Variants in RYR2 observed in about 807,000 individuals in gnomAD.
RYR2 encodes the protein cardiac muscle ryanodine receptor-calcium release channel.
RYR2 carries 227 observed loss-of-function variants against 601.1 expected under a neutral mutation model. That is an observed-to-expected ratio of 0.38 (90% CI 0.34 to 0.42). RYR2 has a LOEUF of 0.42. Ranked by LOEUF, RYR2 falls within the 10% of genes least tolerant of loss-of-function variation. The pLI, the probability that RYR2 is intolerant of heterozygous loss-of-function variation, is 1.00. For missense variants in RYR2, 4,646 were observed against 6,156.5 expected, an observed-to-expected ratio of 0.75 and a Z score of 8.21; for synonymous variants, 2,223 against 2,175.1, an observed-to-expected ratio of 1.02 and a Z score of -0.61.
intron 25 of RYR2, among the ~76,000 whole-genome samples, chr1:237,540,436 G>A (rs1669130092): frequency 6.7e-6 from 1 of 149,212 alleles, no homozygotes; most frequent in African/African-American, 2.4e-5. Context: ...GGCTGAGCAC[G>A]GTGGCTCATG....
rs138726759 is a variant in RYR2, at chr1:237,052,450, T to C, written c.48+9881T>C. 2.1e-3 allele frequency among the ~76,000 whole-genome samples: 317 copies of C among 152,322 alleles called. 2 individuals carry two copies. Among genetic ancestry groups the C allele is most frequent in the Admixed American group, 3.3e-3 (51 of 15,302 alleles). On this transcript the variant is annotated intron_variant, in intron 1 of 104. Coordinates refer to ENST00000366574, the MANE Select transcript of RYR2 (RefSeq NM_001035.3). Reference sequence around the variant, plus strand: ...AAAACATGAAAGGCAGAATCCAGACTATAGAACAACATGTAAGGCAGGAAT... The same window carrying C: ...AAAACATGAAAGGCAGAATCCAGACCATAGAACAACATGTAAGGCAGGAAT...
At chr1:237,493,109 C>T in intron 19 of RYR2, 22 bp downstream of exon 19, 1 of 1,612,984 alleles carries the variant, frequency 6.2e-7, no homozygotes, top group Non-Finnish European at 8.5e-7. Context: ...CAGACAATGT[C>T]ACCTGACAGG....
intron 35 of RYR2, among the ~76,000 whole-genome samples, chr1:237,607,432 G>A (rs968062846): frequency 1.3e-5 from 2 of 151,782 alleles, no homozygotes; most frequent in Non-Finnish European, 2.9e-5. Context: ...TGTGGGGTTG[G>A]GGGAGGGAGG....
chr1:237,497,403 T>C (rs973808213), intron 20 of RYR2, among the ~76,000 whole-genome samples: 57 of 152,322 alleles, frequency 3.7e-4, no homozygotes, highest in African/African-American at 1.3e-3. Flanking sequence ...AATATTCTTT[T>C]CTCTGATTCA....
chr1:237,289,281 C>G (rs984247137), intron 2 of RYR2, among the ~76,000 whole-genome samples: 2 of 152,156 alleles, frequency 1.3e-5, no homozygotes, highest in African/African-American at 4.8e-5. Context: ...CCACATACTG[C>G]TCTGTCTAGA....
rs534514362 is a variant in RYR2 at position 237,601,516 on chromosome 1, A to G, written c.4597-509A>G. Among the ~76,000 whole-genome samples, 7 of 152,220 alleles carry G rather than the reference A, an allele frequency of 4.6e-5. No homozygotes were observed. In the East Asian group the frequency reaches 1.4e-3, roughly 30 times the overall value. On this transcript the variant is annotated intron_variant, in intron 34 of 104. Transcript: ENST00000366574. ...AAGGAAGAATAAGCGCTGGTGTCCT[A>G]TTGGACAGTAGGGTGACTATAGTCA... is the stretch of plus-strand genomic sequence containing the variant.
chr1:237,231,490 G>A (rs1182461744), intron 1 of RYR2, among the ~76,000 whole-genome samples: 2 of 151,970 alleles, frequency 1.3e-5, no homozygotes, highest in South Asian at 2.1e-4. Context: ...ATGTATATGG[G>A]GCTATGATGG....
At chr1:237,074,890 G>A (rs957437334) in intron 1 of RYR2, among the ~76,000 whole-genome samples, 7 of 152,212 alleles carry the variant, frequency 4.6e-5, no homozygotes, top group East Asian at 1.9e-4. Flanking sequence ...ATGAGTCACC[G>A]ATTTTGAAGC....
chr1:237,553,695 C>A (rs1192416108), intron 27 of RYR2, among the ~76,000 whole-genome samples: 2 of 151,866 alleles, frequency 1.3e-5, no homozygotes, highest in Non-Finnish European at 3.0e-5. Context: ...CATTTATTTT[C>A]ATCCTCTTTA....
intron 97 of RYR2, 100 bp downstream of exon 97, chr1:237,798,270 A>C: frequency 9.2e-7 from 1 of 1,089,168 alleles, no homozygotes; most frequent in Non-Finnish European, 1.3e-6. Flanking sequence ...CTTCAATGTC[A>C]GAAGAATAGA....
intron 2 of RYR2, among the ~76,000 whole-genome samples, chr1:237,283,593 GC>G (rs1691131295): frequency 6.6e-6 from 1 of 152,186 alleles, no homozygotes; most frequent in East Asian, 1.9e-4. Context: ...ATCCATTTTG[GC>G]AGTTTATCAG....
At chr1:237,620,567 AAATAT>A (rs1386751359) in intron 38 of RYR2, among the ~76,000 whole-genome samples, 8 of 152,108 alleles carry the variant, frequency 5.3e-5, no homozygotes, top group African/African-American at 1.9e-4. Flanking sequence ...AACTCACTTC[AAATAT>A]AATAATGTAT....
chr1:237,107,608 A>G (rs1282897457), intron 1 of RYR2, among the ~76,000 whole-genome samples: 2 of 149,996 alleles, frequency 1.3e-5, no homozygotes, highest in Admixed American at 6.7e-5. Context: ...ACCTTGCTCT[A>G]TTATAGGTAA....
intron 1 of RYR2, among the ~76,000 whole-genome samples, chr1:237,134,455 A>T (rs931243614): frequency 1.3e-5 from 2 of 152,062 alleles, no homozygotes; most frequent in Non-Finnish European, 2.9e-5. Context: ...GGCAAGAGAG[A>T]GCTTGTGCAG....
chr1:237,669,509 AC>A (rs1212386532), intron 58 of RYR2, among the ~76,000 whole-genome samples: 39 of 123,706 alleles, frequency 3.2e-4, no homozygotes, highest in East Asian at 3.0e-3. Context: ...CGGGGGGCTG[AC>A]CCCCCCCACC....
At chr1:237,560,084 G>T (rs1402391628) in intron 27 of RYR2, among the ~76,000 whole-genome samples, 1 of 152,234 alleles carries the variant, frequency 6.6e-6, no homozygotes, top group Non-Finnish European at 1.5e-5. Context: ...TACTGCATGT[G>T]CAGAGCCTCA....
intron 87 of RYR2, among the ~76,000 whole-genome samples, chr1:237,776,105 A>C (rs532324704): frequency 6.6e-6 from 1 of 152,226 alleles, no homozygotes; most frequent in South Asian, 2.1e-4. Flanking sequence ...AAGAAAAAAC[A>C]AGTTTATTTT....
At chr1:237,708,331 AG>A in intron 68 of RYR2, among the ~76,000 whole-genome samples, 1 of 152,066 alleles carries the variant, frequency 6.6e-6, no homozygotes, top group Non-Finnish European at 1.5e-5. Flanking sequence ...TGTTACTTTC[AG>A]GGGGAAAAAA....
chr1:237,187,055 A>G (rs989567143), intron 1 of RYR2, among the ~76,000 whole-genome samples: 7 of 152,216 alleles, frequency 4.6e-5, no homozygotes, highest in African/African-American at 1.7e-4. Context: ...CTGAAAGTCA[A>G]AGATAGAGGT....
Sources: allele counts gnomAD v4.1 joint callset (sites outside exome capture counted in the v4.1 genomes callset), GRCh38; gene constraint gnomAD v4.1.1; transcripts MANE v1.5; gene names NCBI Gene and HGNC (gene_info 2026-07-23, HGNC 2026-07-21).